CAP2: variants seen among roughly 807,000 people sequenced by gnomAD.
CAP2 encodes the protein cyclase associated actin cytoskeleton regulatory protein 2.
CAP2 carries 24 observed loss-of-function variants against 57.7 expected under a neutral mutation model. The ratio of observed to expected loss-of-function variants is 0.42; its 90% CI spans 0.30 to 0.58. The LOEUF is 0.58. CAP2 is among the 20% of genes least tolerant of loss of function. The pLI is 0.22. For synonymous variants in CAP2, 194 were observed against 207.2 expected, an observed-to-expected ratio of 0.94 and a Z score of 0.55; for missense variants, 501 against 590.3, an observed-to-expected ratio of 0.85 and a Z score of 1.57.
intron 1 of CAP2, among the ~76,000 whole-genome samples, chr6:17,421,250 G>T (rs1759436207): frequency 6.6e-6 from 1 of 151,988 alleles, no homozygotes; most frequent in Admixed American, 6.6e-5. Flanking sequence ...AGGTGGGAGG[G>T]GGATGAGGGA....
intron 7 of CAP2, among the ~76,000 whole-genome samples, chr6:17,533,072 C>G (rs1364634845): frequency 2.2e-5 from 2 of 92,852 alleles, no homozygotes; most frequent in African/African-American, 8.6e-5. Flanking sequence ...TCTCAACACC[C>G]CCCACCAAAA....
At chr6:17,483,022 T>G (rs897802870) in intron 4 of CAP2, among the ~76,000 whole-genome samples, 6 of 152,246 alleles carry the variant, frequency 3.9e-5, no homozygotes, top group African/African-American at 1.2e-4. Flanking sequence ...AATAACTGCT[T>G]CTTCTCTCTC....
At chr6:17,543,590 A>C (rs1272680482) in intron 11 of CAP2, among the ~76,000 whole-genome samples, 1 of 139,128 alleles carries the variant, frequency 7.2e-6, no homozygotes, top group Non-Finnish European at 1.5e-5. Context: ...GCGCCACTGC[A>C]CTCCAGCCTG....
chr6:17,545,981 C>T (rs1157988887), intron 11 of CAP2, among the ~76,000 whole-genome samples: 12 of 152,024 alleles, frequency 7.9e-5, no homozygotes, highest in South Asian at 2.1e-4. Flanking sequence ...TTTGCTATTG[C>T]GAATAGTGCC....
intron 4 of CAP2, among the ~76,000 whole-genome samples, chr6:17,496,168 G>A (rs1166195798): frequency 6.6e-6 from 1 of 152,024 alleles, no homozygotes; most frequent in Admixed American, 6.6e-5. Context: ...AGGCCTCCAT[G>A]AAACCCTGAA....
chr6:17,436,742 C>A (rs1047197996), intron 3 of CAP2, among the ~76,000 whole-genome samples: 1 of 152,040 alleles, frequency 6.6e-6, no homozygotes, highest in Admixed American at 6.6e-5. Context: ...AGCCAAGGAG[C>A]CTGTGGATGC....
chr6:17,403,579 A>G (rs1049085337), intron 1 of CAP2, among the ~76,000 whole-genome samples: 17 of 152,362 alleles, frequency 1.1e-4, no homozygotes, highest in South Asian at 8.3e-4. Context: ...TAATAGTAAC[A>G]ATGGTATCAG....
chr6:17,514,397 T>C (rs917803510), intron 7 of CAP2, among the ~76,000 whole-genome samples: 2 of 151,484 alleles, frequency 1.3e-5, no homozygotes, highest in Non-Finnish European at 2.9e-5. Context: ...TATGGAAATG[T>C]CATTTGTTGT....
At chr6:17,530,578 TAAAG>T (rs1349069217) in intron 7 of CAP2, among the ~76,000 whole-genome samples, 3 of 151,976 alleles carry the variant, frequency 2.0e-5, no homozygotes, top group Non-Finnish European at 4.4e-5. Context: ...GAGGGGCTCA[TAAAG>T]GAAGGATGAG....
chr6:17,408,540 A>T (rs1265299641), intron 1 of CAP2, among the ~76,000 whole-genome samples: 1 of 152,186 alleles, frequency 6.6e-6, no homozygotes, highest in Non-Finnish European at 1.5e-5. Context: ...CAAACAAACC[A>T]GACCATAGCA....
At chr6:17,466,178 A>G (rs1760859279) in intron 4 of CAP2, among the ~76,000 whole-genome samples, 1 of 152,202 alleles carries the variant, frequency 6.6e-6, no homozygotes, top group South Asian at 2.1e-4. Flanking sequence ...GTATTTTCTC[A>G]TAGGAACAAT....
chr6:17,494,099 A>G (rs1761608162), intron 4 of CAP2, among the ~76,000 whole-genome samples: 1 of 152,136 alleles, frequency 6.6e-6, no homozygotes, highest in South Asian at 2.1e-4. Flanking sequence ...TCTTGTCGGA[A>G]TTATTGCAGT....
intron 4 of CAP2, among the ~76,000 whole-genome samples, chr6:17,495,619 G>A (rs1761644353): frequency 6.6e-6 from 1 of 152,152 alleles, no homozygotes; most frequent in South Asian, 2.1e-4. Flanking sequence ...GGCATATGGA[G>A]CTATGGGACT....
In CAP2 at chr6:17,437,272, G is replaced by A. The variant is rs1219005386; in HGVS notation, c.222+10582G>A. 3.3e-5 allele frequency among the ~76,000 whole-genome samples: 5 copies of A among 149,844 alleles called. No homozygotes were observed. The South Asian group carries it at 1.0e-3, about 31-fold the overall frequency. On this transcript the variant is annotated intron_variant, in intron 3 of 12. Transcript: ENST00000229922. ...AAGGTTGGGGACCACTGGTCTAGTG[G>A]TTGGCCTGGAGCACAGAGCAGGGTG...
chr6:17,467,546 C>T (rs186439418), intron 4 of CAP2, among the ~76,000 whole-genome samples: 175 of 152,134 alleles, frequency 1.2e-3, no homozygotes, highest in Non-Finnish European at 2.1e-3. Context: ...TTTTTTGGGA[C>T]GGAATCTTGC....
At chr6:17,414,876 G>A (rs1364714349) in intron 1 of CAP2, among the ~76,000 whole-genome samples, 4 of 152,152 alleles carry the variant, frequency 2.6e-5, no homozygotes, top group Non-Finnish European at 5.9e-5. Flanking sequence ...CACCAACAGC[G>A]TAAAAGTGTT....
chr6:17,458,450 GA>G (rs1287119000), intron 3 of CAP2, among the ~76,000 whole-genome samples: 1 of 152,098 alleles, frequency 6.6e-6, no homozygotes, highest in Non-Finnish European at 1.5e-5. Flanking sequence ...TTCTCAGTGG[GA>G]AAAAATACCC....
chr6:17,531,609 C>A, intron 7 of CAP2: 3 of 1,432,314 alleles, frequency 2.1e-6, no homozygotes, highest in South Asian at 2.3e-5. Context: ...ACAGCAGGAA[C>A]CTTCTTCTTC....
chr6:17,450,125 C>T (rs1402969077), intron 3 of CAP2, among the ~76,000 whole-genome samples: 2 of 151,634 alleles, frequency 1.3e-5, no homozygotes, highest in African/African-American at 4.9e-5. Flanking sequence ...GATCTCGGCT[C>T]ACTGCAAGCT....
Sources: gnomAD v4.1 joint callset for allele counts (sites outside exome capture counted in the v4.1 genomes callset) on GRCh38, gnomAD v4.1.1 for gene constraint, MANE v1.5 for transcripts, NCBI Gene and HGNC (gene_info 2026-07-23, HGNC 2026-07-21) for gene names.